The following PLEKHG2 variants were observed in gnomAD, a reference collection of about 807,000 sequenced individuals.
PLEKHG2 encodes pleckstrin homology and RhoGEF domain containing G2.
PLEKHG2 carries 71 observed loss-of-function variants against 104.4 expected under a neutral mutation model. The observed-to-expected ratio is 0.68, with a 90% confidence interval of 0.56 to 0.83. The LOEUF (loss-of-function observed/expected upper bound fraction) is 0.83, where lower values mean the gene tolerates loss of function less well. Ranked by LOEUF, PLEKHG2 falls within the 40% of genes least tolerant of loss-of-function variation. The pLI is 0.00. For synonymous variants in PLEKHG2, 728 were observed against 737.0 expected (o/e 0.99, Z 0.20); for missense variants, 1,730 against 1,809.4 (o/e 0.96, Z 0.80).
Position 39,425,589 on chromosome 19 carries a change from A to G in PLEKHG2, c.*295A>G. 4.6e-6 allele frequency: 2 copies of G among 432,118 alleles called. No individual in the cohort carries two copies. Among genetic ancestry groups the G allele is most frequent in the Non-Finnish European group, 7.9e-6 (2 of 251,668 alleles). 26.8% of individuals were successfully genotyped at this position (432,118 alleles called of 1,614,324 possible). A position where few individuals can be genotyped will look rare whatever the true frequency, so the allele number is the denominator to read the frequency against. ...TGAATGGGAAGGTCTGACACAGAAC[A>G]AATCAGCGGTTCTGAAAGCTTGGGG... On this transcript the variant is annotated 3_prime_UTR_variant, in exon 19 of 19. Transcript: ENST00000425673.
chr19:39,425,538 G>A lies in PLEKHG2; in HGVS notation c.*244G>A, dbSNP rs2078772136. 1.8e-6 allele frequency: 1 copy of A among 568,886 alleles called. No individual in the cohort carries two copies. The highest frequency in any genetic ancestry group is 2.8e-6 in the Non-Finnish European group (1 of 358,448). The allele number at this position is 568,886 out of a possible 1,614,324, so 35.2% of individuals were successfully genotyped here. On this transcript the variant is annotated 3_prime_UTR_variant, in exon 19 of 19. Transcript: ENST00000425673. ...GCAATGATGTGTATTTTCCCATTCT[G>A]GAGGCTGTGGGAGATGACAAGACAA...
In PLEKHG2 at chr19:39,418,946, G is replaced by A; in HGVS notation, c.1206G>A (p.Trp402Ter). 1 of 1,613,046 alleles carries A rather than the reference G, an allele frequency of 6.2e-7. No homozygotes were observed. Among genetic ancestry groups the A allele is most frequent in the East Asian group, 2.2e-5 (1 of 44,826 alleles). Reference sequence around the variant, plus strand: ...AGAACCAAGAAGAGAAGAGGCTGTGGATTCACTGTCTCCAGCGCCTCTTCT... The same window carrying A: ...AGAACCAAGAAGAGAAGAGGCTGTGAATTCACTGTCTCCAGCGCCTCTTCT... ...QAKNQEEKRL[W>*]IHCLQRLFFE... Residue 402 changes from tryptophan to a stop codon, truncating the protein, a stop_gained, in exon 11 of 19, where the codon TGG becomes TGA. Coordinates refer to ENST00000425673, the MANE Select transcript of PLEKHG2 (RefSeq NM_022835.3). LOFTEE classifies it high-confidence loss of function.
At position 39,412,721 on chromosome 19, in the gene PLEKHG2, C is replaced by G. The variant is rs2078540201; in HGVS notation, c.-714C>G. On this transcript the variant is annotated 5_prime_UTR_variant, in exon 1 of 19. Transcript: ENST00000425673. Reference sequence around the variant, plus strand: ...GCCCCGTGACACCCAGCCGGGAGCCCGAGGGGTCCAGAGGCTCGGACCCGG... The same window carrying G: ...GCCCCGTGACACCCAGCCGGGAGCCGGAGGGGTCCAGAGGCTCGGACCCGG... 2.0e-5 allele frequency: 3 copies of G among 152,232 alleles called. No homozygotes were observed. The South Asian group carries it at 6.2e-4, about 31-fold the overall frequency. The allele number at this position is 152,232 out of a possible 1,614,324, so 9.4% of individuals were successfully genotyped here.
intron 2 of PLEKHG2, 60 bp downstream of exon 2, chr19:39,414,255 C>T: frequency 6.7e-7 from 1 of 1,498,170 alleles, no homozygotes; most frequent in Non-Finnish European, 9.1e-7. Context: ...GCAATGCTGT[C>T]AAGGCAGGGT....
chr19:39,419,674 G>A (rs553192059), intron 11 of PLEKHG2, among the ~76,000 whole-genome samples: 46 of 151,590 alleles, frequency 3.0e-4, no homozygotes, highest in East Asian at 1.6e-3. Flanking sequence ...TCCGGAGATC[G>A]AGACCATCCT....
At chr19:39,414,939 G>C in intron 2 of PLEKHG2, 53 bp from the exon 3 acceptor site, 1 of 1,512,472 alleles carries the variant, frequency 6.6e-7, no homozygotes. Flanking sequence ...GAAAGGCTGT[G>C]GAAGTCCGTG....
rs756046067 is a variant in PLEKHG2 at position 39,416,518 on chromosome 19, C to T, written c.547-33C>T. ...AAGGGGGGTCGTGGGAAGCCAGGACCTGGGGTCTCCCTGACTCCCATGTCA... is the reference window on the plus strand; with the variant it reads ...AAGGGGGGTCGTGGGAAGCCAGGACTTGGGGTCTCCCTGACTCCCATGTCA... On this transcript the variant is annotated intron_variant, in intron 5 of 18. Coordinates refer to ENST00000425673, the MANE Select transcript of PLEKHG2 (RefSeq NM_022835.3). This position sits in a 1 kb window ranked among gnomAD's most constrained non-coding sequence, Gnocchi z 4.5. 2.5e-6 allele frequency: 4 copies of T among 1,613,532 alleles called. No homozygotes were observed. The highest frequency in any genetic ancestry group is 3.4e-6 in the Non-Finnish European group (4 of 1,179,782).
rs141459181 is a variant in PLEKHG2 at position 39,415,450 on chromosome 19, G to C, written c.479+11G>C. 359 of 1,613,284 alleles carry C rather than the reference G, an allele frequency of 2.2e-4. 1 individual carries two copies. The African/African-American group carries it at 3.4e-3, about 15-fold the overall frequency. On this transcript the variant is annotated intron_variant, in intron 4 of 18. Coordinates refer to ENST00000425673, the MANE Select transcript of PLEKHG2 (RefSeq NM_022835.3). The surrounding 1 kb of genome is among the most constrained non-coding windows in gnomAD (Gnocchi z 4.6). Reference sequence around the variant, plus strand: ...CTACGAGTTCAGCAGGTCAGGGGCAGGGGGGACAGGCAGGGGGCATTGATT... The same window carrying C: ...CTACGAGTTCAGCAGGTCAGGGGCACGGGGGACAGGCAGGGGGCATTGATT...
In PLEKHG2 at chr19:39,417,914, C is replaced by A; in HGVS notation, c.892C>A (p.Arg298=). The A allele has an allele frequency of 6.5e-7, 1 of 1,540,888 alleles. No homozygotes were observed. The highest frequency in any genetic ancestry group is 8.7e-7 in the Non-Finnish European group (1 of 1,145,154). Residue 298 remains arginine (R), a synonymous_variant, in exon 9 of 19, where the codon CGG becomes AGG. Coordinates refer to ENST00000425673, the MANE Select transcript of PLEKHG2 (RefSeq NM_022835.3). ...GGCGGGGTCCCGGCAGGAAGTGCAG[C>A]GGCGGCTGGGTGGCTGGACCGGACC... The part of the protein sequence containing the change: ...EHAARLQEVQ[R]RLGGWTGPEL...
rs908328133 is a variant in PLEKHG2, at chr19:39,417,827, CCT to C, written c.883-77_883-76del. On this transcript the variant is annotated intron_variant, in intron 8 of 18. Transcript: ENST00000425673. The stretch of plus-strand genomic sequence containing the variant: ...GACAGCATGGCCCTGTTGCTAACCC[CCT>C]GTTTTGGTGTGTATGTGTGTGCCAC... 3.3e-6 allele frequency: 5 copies of C among 1,496,172 alleles called. 1 individual carries two copies. The highest frequency in any genetic ancestry group is 4.9e-5 in the East Asian group (2 of 40,554). 92.7% of individuals were successfully genotyped at this position (1,496,172 alleles called of 1,614,324 possible). A position where few individuals can be genotyped will look rare whatever the true frequency, so the allele number is the denominator to read the frequency against.
At position 39,416,617 on chromosome 19, in the gene PLEKHG2, G is replaced by C; in HGVS notation, c.593+20G>C. On this transcript the variant is annotated intron_variant, in intron 6 of 18. Transcript: ENST00000425673. The surrounding 1 kb of genome is among the most constrained non-coding windows in gnomAD (Gnocchi z 4.5). ...CCCGAGGTGAGGGGCAGGAGCCCCT[G>C]CTGGGCCTCAGGCTGTGCCCACAAG... 1 of 1,612,812 alleles carries C rather than the reference G, an allele frequency of 6.2e-7. No individual in the cohort carries two copies. Among genetic ancestry groups the C allele is most frequent in the South Asian group, 1.1e-5 (1 of 91,052 alleles).
rs138381022 is a variant in PLEKHG2, at chr19:39,423,384, G to T, written c.2330G>T (p.Gly777Val). 61 of 1,612,206 alleles carry T rather than the reference G, an allele frequency of 3.8e-5. No individual in the cohort carries two copies. In the African/African-American group the frequency reaches 6.8e-4, roughly 18 times the overall value. ...AGCGCCTGGCAGGCATTGGAACAGG[G>T]ACAGCTGGCCCGGCCAGGCTTCCCA... ...IRSAWQALEQ[G>V]QLARPGFPEP... The change falls in exon 18 of 19, where the codon GGA (glycine) becomes GTA (valine). Residue 777 changes from glycine to valine, a missense_variant. Gly to Val is a moderately radical substitution (Grantham distance 109, BLOSUM62 -3). Transcript: ENST00000425673.
At position 39,416,660 on chromosome 19, in the gene PLEKHG2, C is replaced by T. The variant is rs2078609635; in HGVS notation, c.593+63C>T. The T allele has an allele frequency of 6.3e-6, 10 of 1,591,776 alleles. No individual in the cohort carries two copies. The East Asian group carries it at 8.9e-5, about 14-fold the overall frequency. The stretch of plus-strand genomic sequence containing the variant: ...CCCACAAGCTGATGTGCCAGTCACC[C>T]GTCACCCTCCCTCTACCCCCGACCC... On this transcript the variant is annotated intron_variant, in intron 6 of 18. Transcript: ENST00000425673. The surrounding 1 kb of genome is among the most constrained non-coding windows in gnomAD (Gnocchi z 4.5).
chr19:39,416,610 A>G lies in PLEKHG2; in HGVS notation c.593+13A>G, dbSNP rs1190698410. ...TGAACTACCCGAGGTGAGGGGCAGG[A>G]GCCCCTGCTGGGCCTCAGGCTGTGC... On this transcript the variant is annotated intron_variant, in intron 6 of 18. Coordinates refer to ENST00000425673, the MANE Select transcript of PLEKHG2 (RefSeq NM_022835.3). This position sits in a 1 kb window ranked among gnomAD's most constrained non-coding sequence, Gnocchi z 4.5. 2 of 1,613,304 alleles carry G rather than the reference A, an allele frequency of 1.2e-6. No individual in the cohort carries two copies. The highest frequency in any genetic ancestry group is 3.3e-5 in the Admixed American group (2 of 59,992).
At chr19:39,417,487 T>TATTCTC (rs1344986520) in intron 7 of PLEKHG2, 68 bp from the exon 8 acceptor site, 1 of 1,569,738 alleles carries the variant, frequency 6.4e-7, no homozygotes, top group Non-Finnish European at 8.7e-7. Context: ...CATCTCCTGT[T>TATTCTC]ATTCTCATTC....
At chr19:39,419,482 C>G (rs1416898489) in intron 11 of PLEKHG2, among the ~76,000 whole-genome samples, 1 of 152,228 alleles carries the variant, frequency 6.6e-6, no homozygotes, top group African/African-American at 2.4e-5. Context: ...TGGCTCACAC[C>G]TGTAATCCCA....
Position 39,423,110 on chromosome 19 carries a change from A to G in PLEKHG2, c.2056A>G (p.Thr686Ala). ...SVPNTPSLSSTPTLSCDSWLQ... is the reference protein window; with the variant it reads ...SVPNTPSLSSAPTLSCDSWLQ... Reference sequence around the variant, plus strand: ...CCCCAACACCCCCAGTCTGTCTAGCACTCCCACCCTCTCCTGTGACTCCTG... The same window carrying G: ...CCCCAACACCCCCAGTCTGTCTAGCGCTCCCACCCTCTCCTGTGACTCCTG... Residue 686 changes from threonine to alanine, a missense_variant, in exon 18 of 19, where the codon ACT (threonine) becomes GCT (alanine). Coordinates refer to ENST00000425673, the MANE Select transcript of PLEKHG2 (RefSeq NM_022835.3). The G allele has an allele frequency of 6.2e-7, 1 of 1,613,510 alleles. No homozygotes were observed. The highest frequency in any genetic ancestry group is 8.5e-7 in the Non-Finnish European group (1 of 1,179,890).
intron 2 of PLEKHG2, 36 bp downstream of exon 2, chr19:39,414,231 G>A: frequency 6.5e-7 from 1 of 1,538,456 alleles, no homozygotes; most frequent in Non-Finnish European, 8.8e-7. Context: ...AGCCTGTGGG[G>A]CTTTTATTCC....
chr19:39,423,779 C>G lies in PLEKHG2; in HGVS notation c.2646C>G (p.Phe882Leu), dbSNP rs1389805227. 1.2e-6 allele frequency: 2 copies of G among 1,613,952 alleles called. No individual in the cohort carries two copies. Among genetic ancestry groups the G allele is most frequent in the Non-Finnish European group, 8.5e-7 (1 of 1,179,874 alleles). ...FGHVLVCELA[F>L]PLTCAQESVP... ...ACGTGCTGGTATGTGAGCTGGCCTT[C>G]CCACTGACATGTGCCCAGGAGTCTG... Residue 882 changes from phenylalanine to leucine, a missense_variant, in exon 19 of 19, where the codon TTC (phenylalanine) becomes TTG (leucine). Coordinates refer to ENST00000425673, the MANE Select transcript of PLEKHG2 (RefSeq NM_022835.3).
Sources: allele counts gnomAD v4.1 joint callset (sites outside exome capture counted in the v4.1 genomes callset), GRCh38; gene constraint gnomAD v4.1.1; non-coding constraint Gnocchi (gnomAD v3.1); transcripts MANE v1.5; gene names NCBI Gene and HGNC (gene_info 2026-07-23, HGNC 2026-07-21).